Variants in PRELID2 observed in about 807,000 individuals in gnomAD.
PRELID2 encodes the protein PRELI domain containing 2.
In PRELID2, 25 loss-of-function variants were observed where a neutral mutation model predicts 28.4. The ratio of observed to expected loss-of-function variants is 0.88; its 90% CI spans 0.64 to 1.23. The LOEUF (loss-of-function observed/expected upper bound fraction) is 1.23, where lower values mean the gene tolerates loss of function less well. Among genes scored for constraint, PRELID2 ranks in the 50% most tolerant of loss-of-function variants. The pLI is 0.00. For missense variants in PRELID2, 201 were observed against 214.4 expected (o/e 0.94, Z 0.39); for synonymous variants, 76 against 71.6 (o/e 1.06, Z -0.31).
the PRELID2 span, among the ~76,000 whole-genome samples, chr5:145,371,755 G>A: frequency 1.3e-5 from 2 of 151,146 alleles, no homozygotes; most frequent in East Asian, 2.0e-4. Context: ...GATGTTTATA[G>A]CATCTGTGAT....
rs181174768 is a variant in PRELID2 at position 145,476,514 on chromosome 5, A to T, written n.71-3199T>A. 2.9e-3 allele frequency among the ~76,000 whole-genome samples: 445 copies of T among 152,202 alleles called. 8 individuals are homozygous for T. The highest frequency in any genetic ancestry group is 0.024 in the Admixed American group (374 of 15,286). The stretch of plus-strand genomic sequence containing the variant: ...ACAAAAATTAGCTAGGTGTGGTGGC[A>T]TGCACCTATAATCCTAGCTACTTGG... On this transcript the variant is annotated intron_variant and non_coding_transcript_variant, in intron 1 of 2. Coordinates refer to the PRELID2 transcript ENST00000510259.
chr5:145,363,040 T>C, the PRELID2 span, among the ~76,000 whole-genome samples: 733 of 140,818 alleles, frequency 5.2e-3, 4 homozygotes, highest in African/African-American at 0.018. Flanking sequence ...TTCTCCACCA[T>C]AGAGATTAAT....
intron 1 of PRELID2, among the ~76,000 whole-genome samples, chr5:145,598,043 T>G (rs866578019): frequency 1.1e-4 from 17 of 152,304 alleles, no homozygotes; most frequent in Middle Eastern, 3.4e-3. Context: ...TCCCATGGGT[T>G]AGATTGGCCT....
chr5:145,608,376 G>C (rs996221761), intron 1 of PRELID2, among the ~76,000 whole-genome samples: 3 of 152,110 alleles, frequency 2.0e-5, no homozygotes, highest in African/African-American at 4.8e-5. Context: ...GTGATGGCTG[G>C]TAACAGTCTT....
chr5:145,431,717 G>A, the PRELID2 span, among the ~76,000 whole-genome samples: 1 of 152,150 alleles, frequency 6.6e-6, no homozygotes, highest in Non-Finnish European at 1.5e-5. Context: ...AATGTATCCA[G>A]TTCATGAAAT....
chr5:145,478,246 A>G (rs1561490730), intron 1 of PRELID2, among the ~76,000 whole-genome samples: 1 of 152,092 alleles, frequency 6.6e-6, no homozygotes, highest in Non-Finnish European at 1.5e-5. Flanking sequence ...TCAAAGACTT[A>G]GTATGAAAAA....
At chr5:145,670,282 A>G (rs1754679311) in intron 1 of PRELID2, among the ~76,000 whole-genome samples, 1 of 152,074 alleles carries the variant, frequency 6.6e-6, no homozygotes, top group Admixed American at 6.6e-5. Context: ...GGAGAGTGCC[A>G]GGCTCTTTTT....
chr5:145,373,882 ATG>A, the PRELID2 span, among the ~76,000 whole-genome samples: 1 of 54,372 alleles, frequency 1.8e-5, no homozygotes, highest in Non-Finnish European at 3.7e-5. Flanking sequence ...TATAATATAT[ATG>A]ATATTATATA....
the PRELID2 span, among the ~76,000 whole-genome samples, chr5:145,464,828 G>C: frequency 6.6e-6 from 1 of 152,070 alleles, no homozygotes; most frequent in Non-Finnish European, 1.5e-5. Flanking sequence ...AGAAGGTATG[G>C]TTTCCTATCT....
chr5:145,233,615 T>C, the PRELID2 span, among the ~76,000 whole-genome samples: 1 of 152,042 alleles, frequency 6.6e-6, no homozygotes, highest in Admixed American at 6.6e-5. Context: ...ACTTGCCTCT[T>C]AAAAAGGTCG....
At chr5:145,377,865 T>A in the PRELID2 span, among the ~76,000 whole-genome samples, 1 of 152,176 alleles carries the variant, frequency 6.6e-6, no homozygotes, top group Non-Finnish European at 1.5e-5. Flanking sequence ...AAGGCTAGTA[T>A]TGATATGTGT....
chr5:145,339,704 A>G, the PRELID2 span, among the ~76,000 whole-genome samples: 1 of 152,120 alleles, frequency 6.6e-6, no homozygotes, highest in African/African-American at 2.4e-5. Flanking sequence ...CTGCAATGGG[A>G]TCAAAGCACA....
Position 145,777,140 on chromosome 5 carries a change from A to G in PRELID2, c.475-12140T>C, listed in dbSNP as rs572025503. Among the ~76,000 whole-genome samples, 70 of 152,300 alleles carry G rather than the reference A, an allele frequency of 4.6e-4. 3 individuals carry two copies. In the South Asian group the frequency reaches 0.012, roughly 27 times the overall value. On this transcript the variant is annotated intron_variant, in intron 5 of 6. Coordinates refer to ENST00000683046, the MANE Select transcript of PRELID2 (RefSeq NM_205846.3). ...CCAACAAATTCAGGTTCTCTAGAAA[A>G]TAGTTTGTTACAGTGGCTGAAGTAA...
chr5:145,273,988 G>C, the PRELID2 span, among the ~76,000 whole-genome samples: 2 of 152,140 alleles, frequency 1.3e-5, no homozygotes, highest in African/African-American at 4.8e-5. Flanking sequence ...GAACGAGAGG[G>C]ACAGGGGTGC....
intron 1 of PRELID2, among the ~76,000 whole-genome samples, chr5:145,653,529 G>C (rs934072939): frequency 3.9e-4 from 59 of 152,110 alleles, no homozygotes; most frequent in African/African-American, 1.3e-3. Flanking sequence ...TGTAAAAGAA[G>C]AGAAATTATA....
At chr5:145,582,968 C>G (rs527912408) in intron 1 of PRELID2, among the ~76,000 whole-genome samples, 1 of 152,182 alleles carries the variant, frequency 6.6e-6, no homozygotes, top group South Asian at 2.1e-4. Flanking sequence ...GATACCAGCA[C>G]CTAGCAGAGA....
In PRELID2 at chr5:145,741,670, A is replaced by AATTTATATATAAATAT. The variant is rs1561568345; in HGVS notation, n.70+23260_70+23261insATATTTATATATAAAT. ...TATATAAATAATTTATTTATATATA[A>AATTTATATATAAATAT]ATAATTTATAAATAATTTATTTATA... On this transcript the variant is annotated intron_variant and non_coding_transcript_variant, in intron 1 of 2. Coordinates refer to the PRELID2 transcript ENST00000510259. Among the ~76,000 whole-genome samples the AATTTATATATAAATAT allele has an allele frequency of 3.8e-3, 29 of 7,694 alleles. 12 individuals are homozygous for AATTTATATATAAATAT. The highest frequency in any genetic ancestry group is 8.4e-3 in the African/African-American group (29 of 3,452). The allele number at this position is 7,694 out of a possible 152,430, so 5.0% of individuals were successfully genotyped here. A position where few individuals can be genotyped will look rare whatever the true frequency, so the allele number is the denominator to read the frequency against.
intron 1 of PRELID2, among the ~76,000 whole-genome samples, chr5:145,539,728 T>C (rs1003770275): frequency 6.6e-6 from 1 of 151,886 alleles, no homozygotes; most frequent in Admixed American, 6.6e-5. Context: ...TATCTCATAA[T>C]TGTAATATAG....
intron 1 of PRELID2, among the ~76,000 whole-genome samples, chr5:145,640,920 T>C (rs1010784428): frequency 6.6e-6 from 1 of 152,204 alleles, no homozygotes; most frequent in Non-Finnish European, 1.5e-5. Flanking sequence ...GAAGGCCTGC[T>C]CAATAAATAG....
Sources: gnomAD v4.1 joint callset for allele counts (sites outside exome capture counted in the v4.1 genomes callset) on GRCh38, gnomAD v4.1.1 for gene constraint, MANE v1.5 for transcripts, NCBI Gene and HGNC (gene_info 2026-07-23, HGNC 2026-07-21) for gene names.